Variants in FRMD5 observed in about 807,000 individuals in gnomAD.
The protein encoded by FRMD5 is FERM domain containing 5.
A neutral mutation model predicts 69.0 loss-of-function variants in FRMD5; 20 were observed. The ratio of observed to expected loss-of-function variants is 0.29; its 90% CI spans 0.20 to 0.42. The LOEUF (loss-of-function observed/expected upper bound fraction) is 0.42, where lower values mean the gene tolerates loss of function less well. Ranked by LOEUF, FRMD5 falls within the 10% of genes least tolerant of loss-of-function variation. The pLI is 1.00. For synonymous variants in FRMD5, 271 were observed against 260.1 expected (o/e 1.04, Z -0.40); for missense variants, 595 against 708.6 (o/e 0.84, Z 1.82).
intron 1 of FRMD5, among the ~76,000 whole-genome samples, chr15:44,105,084 T>C (rs1290355092): frequency 2.5e-5 from 2 of 80,966 alleles, no homozygotes; most frequent in African/African-American, 6.8e-5. Flanking sequence ...TCAAATTCTT[T>C]TCTTTTTTTT....
At chr15:43,902,829 A>G (rs890850390) in intron 6 of FRMD5, among the ~76,000 whole-genome samples, 1 of 152,218 alleles carries the variant, frequency 6.6e-6, no homozygotes, top group African/African-American at 2.4e-5. Context: ...GGCTGGAAGC[A>G]GGTCATAGGC....
intron 1 of FRMD5, among the ~76,000 whole-genome samples, chr15:44,010,875 G>A (rs1252590989): frequency 2.0e-5 from 3 of 151,462 alleles, no homozygotes; most frequent in Non-Finnish European, 4.4e-5. Flanking sequence ...ATTACTCAAC[G>A]TTAAAAAAAA....
chr15:44,109,097 A>T (rs1163401274), intron 1 of FRMD5, among the ~76,000 whole-genome samples: 1 of 152,174 alleles, frequency 6.6e-6, no homozygotes, highest in African/African-American at 2.4e-5. Flanking sequence ...ATAAAATGTT[A>T]GATACTATTG....
At chr15:44,058,785 CAAAAAAAAA>C (rs34213454) in intron 1 of FRMD5, among the ~76,000 whole-genome samples, 4 of 122,762 alleles carry the variant, frequency 3.3e-5, no homozygotes, top group Non-Finnish European at 6.5e-5. Context: ...GACTCCGTCT[CAAAAAAAAA>C]AAAAAAAGAA....
Position 43,873,752 on chromosome 15 carries a change from T to G in FRMD5, c.*133A>C. The G allele has an allele frequency of 3.3e-6, 5 of 1,528,718 alleles. No individual in the cohort carries two copies. Among genetic ancestry groups the G allele is most frequent in the Non-Finnish European group, 4.4e-6 (5 of 1,143,730 alleles). The allele number at this position is 1,528,718 out of a possible 1,614,324, so 94.7% of individuals were successfully genotyped here. On this transcript the variant is annotated 3_prime_UTR_variant, in exon 14 of 14. Transcript: ENST00000417257. ...TCTTCTGGGAAACACCCTCCTAGGC[T>G]GCAGTGGACTTTGAGTCATGAGAGG... is the stretch of plus-strand genomic sequence containing the variant.
intron 1 of FRMD5, among the ~76,000 whole-genome samples, chr15:44,040,360 T>G (rs189411584): frequency 3.8e-4 from 58 of 151,940 alleles, no homozygotes; most frequent in Admixed American, 3.7e-3. Flanking sequence ...AGACACATAA[T>G]AGTCAGATTC....
At chr15:44,014,442 G>A (rs561698964) in intron 1 of FRMD5, among the ~76,000 whole-genome samples, 96 of 152,268 alleles carry the variant, frequency 6.3e-4, no homozygotes, top group African/African-American at 2.2e-3. Flanking sequence ...GGTATAATAA[G>A]AATATCTACC....
chr15:44,156,951 T>C (rs1323335814), intron 1 of FRMD5, among the ~76,000 whole-genome samples: 1 of 152,106 alleles, frequency 6.6e-6, no homozygotes, highest in Non-Finnish European at 1.5e-5. Flanking sequence ...TCTAGATACA[T>C]AAGAAACTAG....
At chr15:43,892,101 T>TG in intron 7 of FRMD5, 32 bp from the exon 8 acceptor site, 3 of 1,595,002 alleles carry the variant, frequency 1.9e-6, no homozygotes, top group Non-Finnish European at 2.6e-6. Flanking sequence ...CATCGGGTGA[T>TG]GCAGGCACAG....
chr15:43,970,866 T>C (rs1224064146), intron 1 of FRMD5, among the ~76,000 whole-genome samples: 1 of 152,136 alleles, frequency 6.6e-6, no homozygotes, highest in African/African-American at 2.4e-5. Flanking sequence ...TATAGTAATA[T>C]GATAAAAGAA....
At chr15:43,888,926 C>G in intron 8 of FRMD5, 54 bp from the exon 9 acceptor site, 1 of 1,510,792 alleles carries the variant, frequency 6.6e-7, no homozygotes, top group Non-Finnish European at 9.2e-7. Flanking sequence ...TTGTTCACAG[C>G]TAAATCTTGT....
intron 1 of FRMD5, among the ~76,000 whole-genome samples, chr15:44,188,484 A>G (rs1036387650): frequency 5.9e-5 from 9 of 152,184 alleles, no homozygotes; most frequent in African/African-American, 1.9e-4. Context: ...AACCTCAGCA[A>G]GCCTAAGAAT....
chr15:44,132,112 A>T (rs1425525342), intron 1 of FRMD5, among the ~76,000 whole-genome samples: 1 of 152,160 alleles, frequency 6.6e-6, no homozygotes, highest in Admixed American at 6.5e-5. Flanking sequence ...CGCAGCCTAG[A>T]TCCCTTGCAT....
chr15:44,125,344 CTA>C (rs1344662012), intron 1 of FRMD5, among the ~76,000 whole-genome samples: 2 of 152,218 alleles, frequency 1.3e-5, no homozygotes, highest in South Asian at 2.1e-4. Flanking sequence ...TCATCCTCAT[CTA>C]TGGGTCTTTC....
intron 1 of FRMD5, among the ~76,000 whole-genome samples, chr15:44,120,889 C>T (rs545583370): frequency 6.6e-6 from 1 of 151,958 alleles, no homozygotes; most frequent in Non-Finnish European, 1.5e-5. Flanking sequence ...CTGGAATGAA[C>T]CCAAGTAGAG....
chr15:43,910,089 TA>T (rs201561490), intron 4 of FRMD5, 110 bp from the exon 5 acceptor site: 842 of 549,112 alleles, frequency 1.5e-3, no homozygotes, highest in Middle Eastern at 3.4e-3. Context: ...TTTACTACAT[TA>T]AAAAAAAATC....
At chr15:44,011,476 G>C (rs1890719406) in intron 1 of FRMD5, among the ~76,000 whole-genome samples, 1 of 152,186 alleles carries the variant, frequency 6.6e-6, no homozygotes, top group South Asian at 2.1e-4. Flanking sequence ...AATAGAAGAA[G>C]GTCGGACAGA....
intron 1 of FRMD5, among the ~76,000 whole-genome samples, chr15:44,030,358 C>A (rs1891627282): frequency 6.6e-6 from 1 of 152,012 alleles, no homozygotes; most frequent in African/African-American, 2.4e-5. Flanking sequence ...CCTGATTCTG[C>A]CCTCTACTGT....
intron 1 of FRMD5, among the ~76,000 whole-genome samples, chr15:43,974,146 T>C (rs1307057034): frequency 6.6e-6 from 1 of 151,994 alleles, no homozygotes; most frequent in Non-Finnish European, 1.5e-5. Context: ...AGTAGGGTGC[T>C]ATGAAAGCAC....
Sources: gnomAD v4.1 joint callset for allele counts (sites outside exome capture counted in the v4.1 genomes callset) on GRCh38, gnomAD v4.1.1 for gene constraint, MANE v1.5 for transcripts, NCBI Gene and HGNC (gene_info 2026-07-23, HGNC 2026-07-21) for gene names.